RRN3: variants seen among roughly 807,000 people sequenced by gnomAD.
The protein encoded by RRN3 is RNA polymerase I-specific transcription initiation factor RRN3.
RRN3 carries 38 observed loss-of-function variants against 82.3 expected under a neutral mutation model. The observed-to-expected ratio is 0.46, with a 90% confidence interval of 0.36 to 0.61. The LOEUF is 0.61. RRN3 is among the 20% of genes least tolerant of loss of function. RRN3 has a pLI of 0.00. For synonymous variants in RRN3, 284 were observed against 284.3 expected (o/e 1.00, Z 0.01); for missense variants, 726 against 793.1 (o/e 0.92, Z 1.02).
chr16:15,092,600 C>T lies in RRN3; in HGVS notation c.104G>A (p.Arg35His), dbSNP rs776236231. Residue 35 changes from arginine to histidine, a missense_variant, in exon 2 of 18, where the codon CGT becomes CAT. Arg to His is a conservative substitution (Grantham distance 29). This residue lies in a region of RRN3 where 135 missense variants were observed against 87.4 expected (regional missense o/e 1.55). Coordinates refer to ENST00000198767, the MANE Select transcript of RRN3 (RefSeq NM_018427.5). ...GASRTGISNM[R>H]ALENDFFNSP... ...ATTGAAAAAGTCATTCTCTAATGCACGCATATTTGAAATCCTGTGGAACCA... is the reference window on the plus strand; with the variant it reads ...ATTGAAAAAGTCATTCTCTAATGCATGCATATTTGAAATCCTGTGGAACCA... 2.6e-5 allele frequency: 42 copies of T among 1,608,858 alleles called. No individual in the cohort carries two copies. In the Admixed American group the frequency reaches 5.0e-4, roughly 19 times the overall value.
intron 8 of RRN3, among the ~76,000 whole-genome samples, chr16:15,082,673 C>T (rs370630570): frequency 2.0e-5 from 3 of 151,280 alleles, no homozygotes; most frequent in Admixed American, 6.6e-5. Flanking sequence ...ACTGTCCCCC[C>T]ACCCCTGAAA....
At chr16:15,092,056 G>C (rs182119205) in intron 2 of RRN3, among the ~76,000 whole-genome samples, 2 of 152,284 alleles carry the variant, frequency 1.3e-5, no homozygotes, top group Non-Finnish European at 2.9e-5. Flanking sequence ...GTGTGTGCCT[G>C]TAACCCCACC....
intron 3 of RRN3, among the ~76,000 whole-genome samples, chr16:15,090,618 T>C (rs2046091991): frequency 6.6e-6 from 1 of 152,208 alleles, no homozygotes; most frequent in Non-Finnish European, 1.5e-5. Flanking sequence ...CACTCCATAT[T>C]TTTTAAATCT....
chr16:15,084,461 G>T (rs1438364931), intron 7 of RRN3, among the ~76,000 whole-genome samples, 181 bp downstream of exon 7: 1 of 151,998 alleles, frequency 6.6e-6, no homozygotes, highest in African/African-American at 2.4e-5. Flanking sequence ...AACAATTAAA[G>T]AGAATAAATA....
intron 11 of RRN3, among the ~76,000 whole-genome samples, chr16:15,073,634 T>C (rs1203846166): frequency 6.6e-6 from 1 of 152,190 alleles, no homozygotes; most frequent in Non-Finnish European, 1.5e-5. Context: ...AGCAATTCTA[T>C]CATTCGTGTA....
At chr16:15,068,401 C>CTTT in intron 14 of RRN3, 124 bp from the exon 15 acceptor site, 1 of 1,306,120 alleles carries the variant, frequency 7.7e-7, no homozygotes, top group Middle Eastern at 2.4e-4. Context: ...TGCAGAAATG[C>CTTT]TTTAAATAAA....
chr16:15,069,097 G>C (rs2045108937), intron 14 of RRN3, among the ~76,000 whole-genome samples: 1 of 152,170 alleles, frequency 6.6e-6, no homozygotes, highest in Non-Finnish European at 1.5e-5. Context: ...GTAGGATGTA[G>C]GTAAACATAT....
intron 14 of RRN3, among the ~76,000 whole-genome samples, chr16:15,069,463 C>T (rs1029589406): frequency 4.6e-5 from 7 of 152,180 alleles, no homozygotes; most frequent in South Asian, 2.1e-4. Context: ...AACTAAAATA[C>T]ACTAATCTAA....
chr16:15,088,042 G>A (rs762112650), intron 3 of RRN3, among the ~76,000 whole-genome samples: 4 of 152,020 alleles, frequency 2.6e-5, no homozygotes, highest in South Asian at 2.1e-4. Context: ...TAAAAAACTC[G>A]GAGGCAGAGG....
At position 15,072,993 on chromosome 16, in the gene RRN3, C is replaced by T; in HGVS notation, c.1085G>A (p.Cys362Tyr). 6.2e-7 allele frequency: 1 copy of T among 1,613,734 alleles called. No homozygotes were observed. Among genetic ancestry groups the T allele is most frequent in the Non-Finnish European group, 8.5e-7 (1 of 1,179,886 alleles). The change falls in exon 12 of 18, where the codon TGC becomes TAC. Residue 362 changes from cysteine to tyrosine, a missense_variant. Cys to Tyr is a radical substitution (Grantham distance 194). Coordinates refer to ENST00000198767, the MANE Select transcript of RRN3 (RefSeq NM_018427.5). ...DKLLLPTHAS[C>Y]HVQFFMFYLC... ...GTAAAACATGAAAAACTGTACATGG[C>T]AGGAGGCATGGGTGGGCAACAGGAG...
At position 15,061,596 on chromosome 16, in the gene RRN3, A is replaced by C; in HGVS notation, c.*148T>G. The C allele has an allele frequency of 1.6e-6, 1 of 610,792 alleles. No homozygotes were observed. Among genetic ancestry groups the C allele is most frequent in the East Asian group, 2.8e-5 (1 of 35,724 alleles). 37.8% of individuals were successfully genotyped at this position (610,792 alleles called of 1,614,324 possible). A position where few individuals can be genotyped will look rare whatever the true frequency, so the allele number is the denominator to read the frequency against. ...AAAAAACCCAGTCTTCAGATGCTTG[A>C]TTCAGTCGAACCTGGAAGTGCCACA... On this transcript the variant is annotated 3_prime_UTR_variant, in exon 18 of 18. Transcript: ENST00000198767.
intron 12 of RRN3, among the ~76,000 whole-genome samples, chr16:15,071,946 G>A (rs1261846208): frequency 6.6e-6 from 1 of 152,124 alleles, no homozygotes; most frequent in African/African-American, 2.4e-5. Flanking sequence ...GGGCACTCCT[G>A]TGAGTGCAAA....
At chr16:15,083,142 A>C (rs1173606405) in intron 8 of RRN3, among the ~76,000 whole-genome samples, 1 of 152,180 alleles carries the variant, frequency 6.6e-6, no homozygotes, top group Non-Finnish European at 1.5e-5. Flanking sequence ...ACAGTGGTTC[A>C]CTAATCCCAG....
At chr16:15,076,207 A>T (rs143397210) in intron 10 of RRN3, among the ~76,000 whole-genome samples, 8 of 152,270 alleles carry the variant, frequency 5.3e-5, no homozygotes, top group African/African-American at 1.9e-4. Flanking sequence ...CACCCAAAAG[A>T]AGTAATGCTA....
chr16:15,081,426 T>C (rs1481153642), intron 8 of RRN3, among the ~76,000 whole-genome samples: 4 of 152,220 alleles, frequency 2.6e-5, no homozygotes, highest in South Asian at 4.1e-4. Flanking sequence ...CTTGTGGGCA[T>C]GAAGTGAAAT....
intron 14 of RRN3, among the ~76,000 whole-genome samples, chr16:15,069,533 T>C (rs990319018): frequency 6.6e-6 from 1 of 152,208 alleles, no homozygotes; most frequent in Non-Finnish European, 1.5e-5. Flanking sequence ...AAAACAATAC[T>C]GGTCAATTAA....
At position 15,094,148 on chromosome 16, in the gene RRN3, G is replaced by C; in HGVS notation, c.86C>G (p.Thr29Ser). 6.3e-7 allele frequency: 1 copy of C among 1,596,976 alleles called. No homozygotes were observed. Among genetic ancestry groups the C allele is most frequent in the Non-Finnish European group, 8.5e-7 (1 of 1,171,700 alleles). ...AAGGAAGCGGCCTGAATCTTACCCA[G>C]TCCTCGACGCGCCCAGCTTCTTAAC... is the stretch of plus-strand genomic sequence containing the variant. The part of the protein sequence containing the change: ...SAVKKLGASR[T>S]GISNMRALEN... The change falls in exon 1 of 18, where the codon ACT becomes AGT. Residue 29 changes from threonine to serine, a missense_variant. By Grantham distance (58) the Thr-to-Ser change is moderately conservative (BLOSUM62 1). This residue lies in a region of RRN3 where 135 missense variants were observed against 87.4 expected (regional missense o/e 1.55). Coordinates refer to ENST00000198767, the MANE Select transcript of RRN3 (RefSeq NM_018427.5).
In RRN3 at chr16:15,074,774, T is replaced by C. The variant is rs149452242; in HGVS notation, c.946A>G (p.Ile316Val). 6.2e-5 allele frequency: 100 copies of C among 1,614,104 alleles called. No individual in the cohort carries two copies. In the African/African-American group the frequency reaches 6.9e-4, roughly 11 times the overall value. The change falls in exon 11 of 18, where the codon ATC becomes GTC. Residue 316 changes from isoleucine (I) to valine (V), a missense_variant. Coordinates refer to ENST00000198767, the MANE Select transcript of RRN3 (RefSeq NM_018427.5). Reference sequence around the variant, plus strand: ...TAGGACAAAACCAAAGACATCAGGATGTCCAGGCGCTCGGCTACAGGATGC... The same window carrying C: ...TAGGACAAAACCAAAGACATCAGGACGTCCAGGCGCTCGGCTACAGGATGC... The part of the protein sequence containing the change: ...MVHPVAERLD[I>V]LMSLVLSYMK...
At position 15,093,775 on chromosome 16, in the gene RRN3, G is replaced by A. The variant is rs1243146093; in HGVS notation, c.89+370C>T. On this transcript the variant is annotated intron_variant, in intron 1 of 17. Transcript: ENST00000198767. Reference sequence around the variant, plus strand: ...ACAAAAAAGATGTAATATTCAATTTGCCATGAGTGACGACGTTCGGCTGAT... The same window carrying A: ...ACAAAAAAGATGTAATATTCAATTTACCATGAGTGACGACGTTCGGCTGAT... Among the ~76,000 whole-genome samples the A allele has an allele frequency of 3.3e-5, 5 of 152,158 alleles. No individual in the cohort carries two copies. The East Asian group carries it at 9.6e-4, about 29-fold the overall frequency.
Sources: allele counts gnomAD v4.1 joint callset (sites outside exome capture counted in the v4.1 genomes callset), GRCh38; gene constraint gnomAD v4.1.1; regional missense constraint gnomAD v4.1.1; transcripts MANE v1.5; gene names NCBI Gene and HGNC (gene_info 2026-07-23, HGNC 2026-07-21).